The following ITIH5 variants were observed in gnomAD, a reference collection of about 807,000 sequenced individuals.
ITIH5 encodes inter-alpha-trypsin inhibitor heavy chain H5.
A neutral mutation model predicts 77.5 loss-of-function variants in ITIH5; 65 were observed. That is an observed-to-expected ratio of 0.84 (90% CI 0.69 to 1.03). The LOEUF is 1.03. Ranked by LOEUF, ITIH5 falls within the 50% of genes least tolerant of loss-of-function variation. The pLI, the probability that ITIH5 is intolerant of heterozygous loss-of-function variation, is 0.00. For missense variants in ITIH5, 1,208 were observed against 1,213.1 expected (o/e 1.00, Z 0.06); for synonymous variants, 525 against 494.3 (o/e 1.06, Z -0.82).
At chr10:7,581,782 G>A (rs189064914) in intron 8 of ITIH5, among the ~76,000 whole-genome samples, 2,006 of 124,594 alleles carry the variant, frequency 0.016, 56 homozygotes, top group African/African-American at 0.058. Context: ...GGCTGGTCTC[G>A]AACTCCTGGG....
chr10:7,593,977 G>A (rs1177362511), intron 7 of ITIH5, among the ~76,000 whole-genome samples: 1 of 152,244 alleles, frequency 6.6e-6, no homozygotes, highest in Non-Finnish European at 1.5e-5. Flanking sequence ...AAGAGGAGGA[G>A]CGTCCACACA....
At chr10:7,633,907 G>C (rs995035989) in intron 5 of ITIH5, among the ~76,000 whole-genome samples, 3 of 152,038 alleles carry the variant, frequency 2.0e-5, no homozygotes. Context: ...GGCTAACACA[G>C]TGAAACCTCG....
intron 13 of ITIH5, among the ~76,000 whole-genome samples, chr10:7,565,413 A>G (rs1832129641): frequency 6.7e-6 from 1 of 148,534 alleles, no homozygotes; most frequent in Admixed American, 6.7e-5. Context: ...ACATACATAG[A>G]CAGTATACAT....
intron 7 of ITIH5, 72 bp from the exon 8 acceptor site, chr10:7,586,141 GC>G (rs1451276877): frequency 2.3e-6 from 3 of 1,293,382 alleles, no homozygotes; most frequent in Non-Finnish European, 3.1e-6. Flanking sequence ...TCTAGAAACC[GC>G]CCCCGCCCCC....
chr10:7,593,158 C>A (rs960206842), intron 7 of ITIH5, among the ~76,000 whole-genome samples: 1 of 152,130 alleles, frequency 6.6e-6, no homozygotes, highest in African/African-American at 2.4e-5. Context: ...TCTCTACCCT[C>A]CTTCCCTCAG....
Position 7,637,134 on chromosome 10 carries a change from G to T in ITIH5, c.652+94C>A, listed in dbSNP as rs1046486437. 1.9e-4 allele frequency: 275 copies of T among 1,432,090 alleles called. 1 individual carries two copies. The highest frequency in any genetic ancestry group is 2.5e-4 in the Middle Eastern group (1 of 4,004). The allele number at this position is 1,432,090 out of a possible 1,614,324, so 88.7% of individuals were successfully genotyped here. A position where few individuals can be genotyped will look rare whatever the true frequency, so the allele number is the denominator to read the frequency against. The stretch of plus-strand genomic sequence containing the variant: ...CAAAAATGCAAAGGCTTTGCTGAAG[G>T]GAAGGGTGCCATCTCTTGCAGATTT... On this transcript the variant is annotated intron_variant, in intron 5 of 13. Coordinates refer to ENST00000397146, the MANE Select transcript of ITIH5 (RefSeq NM_030569.7).
At position 7,565,404 on chromosome 10, in the gene ITIH5, CATACAT is replaced by C. The variant is rs572938820; in HGVS notation, c.2527+620_2527+625del. ...TATATATACACACATATCATGCACA[CATACAT>C]AGACAGTATACATACATATATACAC... On this transcript the variant is annotated intron_variant, in intron 13 of 13. Coordinates refer to ENST00000397146, the MANE Select transcript of ITIH5 (RefSeq NM_030569.7). 3.3e-3 allele frequency among the ~76,000 whole-genome samples: 446 copies of C among 137,130 alleles called. 4 individuals carry two copies. The highest frequency in any genetic ancestry group is 0.015 in the African/African-American group (423 of 28,918). The allele number at this position is 137,130 out of a possible 152,430, so 90.0% of individuals were successfully genotyped here. A position where few individuals can be genotyped will look rare whatever the true frequency, so the allele number is the denominator to read the frequency against.
At chr10:7,611,745 A>G (rs1251710574) in intron 7 of ITIH5, among the ~76,000 whole-genome samples, 1 of 151,802 alleles carries the variant, frequency 6.6e-6, no homozygotes, top group Non-Finnish European at 1.5e-5. Context: ...GCAATTTTCT[A>G]GTGTTTTGTT....
At chr10:7,571,370 C>G (rs1476112398) in intron 11 of ITIH5, 1 of 152,142 alleles carries the variant, frequency 6.6e-6, no homozygotes, top group African/African-American at 2.4e-5. Flanking sequence ...TATCTGTATA[C>G]AACCTTCGCA....
chr10:7,590,232 C>G (rs1353988251), intron 7 of ITIH5, among the ~76,000 whole-genome samples: 2 of 152,160 alleles, frequency 1.3e-5, no homozygotes, highest in Non-Finnish European at 2.9e-5. Context: ...ACCCGTGGTC[C>G]AAGGCGGAAG....
chr10:7,585,158 T>C (rs1452960373), intron 8 of ITIH5, among the ~76,000 whole-genome samples: 1 of 152,164 alleles, frequency 6.6e-6, no homozygotes, highest in Non-Finnish European at 1.5e-5. Context: ...GTAGGTCAAG[T>C]TCTGCTAAAT....
chr10:7,637,140 G>T (rs1833810814), intron 5 of ITIH5, 88 bp downstream of exon 5: 3 of 1,468,222 alleles, frequency 2.0e-6, no homozygotes, highest in African/African-American at 1.4e-5. Flanking sequence ...GAAGGGAAGG[G>T]TGCCATCTCT....
intron 4 of ITIH5, among the ~76,000 whole-genome samples, chr10:7,640,076 A>C (rs1833857888): frequency 6.7e-6 from 1 of 148,212 alleles, no homozygotes; most frequent in Non-Finnish European, 1.5e-5. Flanking sequence ...GTCAACAGAT[A>C]ATGTCTTATT....
chr10:7,574,815 C>CA (rs59641105), intron 10 of ITIH5, among the ~76,000 whole-genome samples: 137,277 of 139,152 alleles, frequency 0.99, 67,748 homozygotes, highest in East Asian at 1. Context: ...AAAAAAAAAG[C>CA]AAAAAAAAAC....
At chr10:7,642,500 G>A (rs913223) in intron 2 of ITIH5, among the ~76,000 whole-genome samples, 73,548 of 151,922 alleles carry the variant, frequency 0.48, 19,052 homozygotes, top group African/African-American at 0.67. Context: ...TCCAAAAACC[G>A]GAACATGACT....
chr10:7,563,235 T>C lies in ITIH5; in HGVS notation c.2677A>G (p.Arg893Gly). ...TGCTCTTCCCCGTTGTAAATCTTCC[T>C]TTGCTTCCAGACCACTGGGACTTGG... Reference protein sequence around the residue: ...GHQVPVVWKQRKIYNGEEQID... With the variant: ...GHQVPVVWKQGKIYNGEEQID... The change falls in exon 14 of 14, where the codon AGG (arginine) becomes GGG (glycine). Residue 893 changes from arginine (R) to glycine (G), a missense_variant. Transcript: ENST00000397146. 1 of 1,614,214 alleles carries C rather than the reference T, an allele frequency of 6.2e-7. No homozygotes were observed. Among genetic ancestry groups the C allele is most frequent in the Non-Finnish European group, 8.5e-7 (1 of 1,180,040 alleles).
chr10:7,573,323 A>G lies in ITIH5; in HGVS notation c.1979-128T>C, dbSNP rs570267349. 2.2e-5 allele frequency: 16 copies of G among 712,708 alleles called. No homozygotes were observed. The African/African-American group carries it at 2.7e-4, about 12-fold the overall frequency. The allele number at this position is 712,708 out of a possible 1,614,324, so 44.1% of individuals were successfully genotyped here. Reference sequence around the variant, plus strand: ...TACGTTTGTAACAGCTTAAATAATCAAAAGACCTTTAAAACATCATCAGTC... The same window carrying G: ...TACGTTTGTAACAGCTTAAATAATCGAAAGACCTTTAAAACATCATCAGTC... On this transcript the variant is annotated intron_variant, in intron 10 of 13. Coordinates refer to ENST00000397146, the MANE Select transcript of ITIH5 (RefSeq NM_030569.7).
At chr10:7,617,065 C>T in intron 6 of ITIH5, 48 bp downstream of exon 6, 4 of 1,320,506 alleles carry the variant, frequency 3.0e-6, no homozygotes, top group Non-Finnish European at 4.1e-6. Context: ...ATGAGTCTGT[C>T]CAAAGTACCA....
At chr10:7,564,166 C>A (rs569525356) in intron 13 of ITIH5, among the ~76,000 whole-genome samples, 51 of 152,328 alleles carry the variant, frequency 3.3e-4, no homozygotes, top group African/African-American at 1.1e-3. Flanking sequence ...GGAACTGGAC[C>A]CTCAGGTGAC....
Sources: allele counts gnomAD v4.1 joint callset (sites outside exome capture counted in the v4.1 genomes callset), GRCh38; gene constraint gnomAD v4.1.1; transcripts MANE v1.5; gene names NCBI Gene and HGNC (gene_info 2026-07-23, HGNC 2026-07-21).